The following PCDHGA5 variants were observed in gnomAD, a reference collection of about 807,000 sequenced individuals.
PCDHGA5 encodes protocadherin gamma subfamily A, 5.
Under a neutral mutation model 56.7 loss-of-function variants are expected in PCDHGA5, and 36 were observed. The ratio of observed to expected loss-of-function variants is 0.64; its 90% CI spans 0.49 to 0.84. The LOEUF is 0.84. Among genes scored for constraint, PCDHGA5 ranks in the 40% least tolerant of loss-of-function variants. PCDHGA5 has a pLI of 0.00. For synonymous variants in PCDHGA5, 563 were observed against 520.2 expected, an observed-to-expected ratio of 1.08 and a Z score of -1.12; for missense variants, 1,305 against 1,201.5, an observed-to-expected ratio of 1.09 and a Z score of -1.27.
intron 1 of PCDHGA5, chr5:141,371,387 T>A: frequency 6.2e-7 from 1 of 1,613,964 alleles, no homozygotes; most frequent in Non-Finnish European, 8.5e-7. Flanking sequence ...CTGCATATTG[T>A]AAAGTACAGA....
intron 1 of PCDHGA5, among the ~76,000 whole-genome samples, chr5:141,446,777 C>CTT (rs1480571336): frequency 1.3e-5 from 2 of 152,072 alleles, no homozygotes; most frequent in Non-Finnish European, 2.9e-5. Flanking sequence ...GGTTACCATT[C>CTT]TTTTACTCTG....
chr5:141,420,330 C>G lies in PCDHGA5; in HGVS notation c.2421+53579C>G, dbSNP rs765696240. 711 of 1,399,258 alleles carry G rather than the reference C, an allele frequency of 5.1e-4. 1 individual carries two copies. The highest frequency in any genetic ancestry group is 6.5e-4 in the Non-Finnish European group (676 of 1,043,138). 86.7% of individuals were successfully genotyped at this position (1,399,258 alleles called of 1,614,324 possible). A position where few individuals can be genotyped will look rare whatever the true frequency, so the allele number is the denominator to read the frequency against. On this transcript the variant is annotated intron_variant, in intron 1 of 3. Coordinates refer to ENST00000518069, the MANE Select transcript of PCDHGA5 (RefSeq NM_018918.3). Reference sequence around the variant, plus strand: ...TTATATTACAATATGCCAATATATTCCAATATAGTGGTATTATTTTAAGAT... The same window carrying G: ...TTATATTACAATATGCCAATATATTGCAATATAGTGGTATTATTTTAAGAT...
intron 1 of PCDHGA5, chr5:141,423,607 A>T (rs777606404): frequency 6.2e-7 from 1 of 1,612,176 alleles, no homozygotes; most frequent in Admixed American, 1.7e-5. Flanking sequence ...GCCACTCTTG[A>T]TAGCTGAAGA....
At chr5:141,467,768 C>T (rs2099151160) in intron 1 of PCDHGA5, among the ~76,000 whole-genome samples, 2 of 151,794 alleles carry the variant, frequency 1.3e-5, no homozygotes, top group African/African-American at 2.4e-5. Flanking sequence ...CTCAAGTGCC[C>T]GCACCTCAGC....
chr5:141,428,459 A>G (rs1322945046), intron 1 of PCDHGA5: 2 of 350,154 alleles, frequency 5.7e-6, no homozygotes, highest in Non-Finnish European at 1.1e-5. Flanking sequence ...CCCAACTACA[A>G]TGAGGGAACT....
At position 141,431,363 on chromosome 5, in the gene PCDHGA5, C is replaced by T. The variant is rs765751691; in HGVS notation, c.2422-63444C>T. On this transcript the variant is annotated intron_variant, in intron 1 of 3. Transcript: ENST00000518069. The surrounding 1 kb of genome is among the most constrained non-coding windows in gnomAD (Gnocchi z 4.8). The stretch of plus-strand genomic sequence containing the variant: ...ATTGGTGCTGAAACGCGCCCTGGAC[C>T]GCGAAGAAAAGGCTGCTCACCACCT... 1 of 1,614,024 alleles carries T rather than the reference C, an allele frequency of 6.2e-7. No homozygotes were observed. The highest frequency in any genetic ancestry group is 2.2e-5 in the East Asian group (1 of 44,882).
In PCDHGA5 at chr5:141,476,628, C is replaced by T. The variant is rs899753438; in HGVS notation, c.2422-18179C>T. 6.2e-6 allele frequency: 10 copies of T among 1,614,160 alleles called. No individual in the cohort carries two copies. The highest frequency in any genetic ancestry group is 7.6e-6 in the Non-Finnish European group (9 of 1,180,068). On this transcript the variant is annotated intron_variant, in intron 1 of 3. Coordinates refer to ENST00000518069, the MANE Select transcript of PCDHGA5 (RefSeq NM_018918.3). The surrounding 1 kb of genome is among the most constrained non-coding windows in gnomAD (Gnocchi z 7.6). ...GATGTGGGAAGCAACTCTTTACAAACCTATGAGCTGAGCCGAAATGAATAC... is the reference window on the plus strand; with the variant it reads ...GATGTGGGAAGCAACTCTTTACAAATCTATGAGCTGAGCCGAAATGAATAC...
chr5:141,502,098 G>T (rs1341016516), intron 2 of PCDHGA5, among the ~76,000 whole-genome samples: 2 of 152,108 alleles, frequency 1.3e-5, no homozygotes, highest in Non-Finnish European at 2.9e-5. Flanking sequence ...ACCTGGCCTT[G>T]ACCCTGCACC....
At chr5:141,393,754 T>G in intron 1 of PCDHGA5, 1 of 1,613,892 alleles carries the variant, frequency 6.2e-7, no homozygotes, top group Non-Finnish European at 8.5e-7. Flanking sequence ...GAATGTTCAT[T>G]TTATGAAATG....
At chr5:141,479,535 G>A (rs539785154) in intron 1 of PCDHGA5, 2 of 152,378 alleles carry the variant, frequency 1.3e-5, no homozygotes, top group Non-Finnish European at 2.9e-5. Context: ...AAGTGGAGAA[G>A]GTCAAAACTG....
chr5:141,473,879 C>G (rs937312573), intron 1 of PCDHGA5, among the ~76,000 whole-genome samples: 2 of 152,120 alleles, frequency 1.3e-5, no homozygotes, highest in Admixed American at 1.3e-4. Context: ...AATGCATACA[C>G]AAGGGTTCTG....
chr5:141,386,951 G>C (rs1313182720), intron 1 of PCDHGA5, among the ~76,000 whole-genome samples: 4 of 152,342 alleles, frequency 2.6e-5, no homozygotes, highest in Non-Finnish European at 4.4e-5. Flanking sequence ...CAGTGCTTCA[G>C]TGCAGCAGAT....
At chr5:141,420,551 ATTTTTACGGCATGGT>A (rs2096505176) in intron 1 of PCDHGA5, 3 of 266,550 alleles carry the variant, frequency 1.1e-5, no homozygotes, top group Admixed American at 5.1e-5. Context: ...ATACAGGTAT[ATTTTTACGGCATGGT>A]ATTTTAATTG....
chr5:141,485,070 G>T lies in PCDHGA5; in HGVS notation c.2422-9737G>T. ...CGCCGGCCGAACCGCGCCAGAGCTG[G>T]CGCGGGGAAAGGGAGATAGGTGTCT... On this transcript the variant is annotated intron_variant, in intron 1 of 3. Coordinates refer to ENST00000518069, the MANE Select transcript of PCDHGA5 (RefSeq NM_018918.3). This position sits in a 1 kb window ranked among gnomAD's most constrained non-coding sequence, Gnocchi z 5.7. 1.1e-6 allele frequency: 1 copy of T among 908,406 alleles called. No individual in the cohort carries two copies. Among genetic ancestry groups the T allele is most frequent in the East Asian group, 2.4e-5 (1 of 41,326 alleles). 56.3% of individuals were successfully genotyped at this position (908,406 alleles called of 1,614,324 possible).
rs2154594676 is a variant in PCDHGA5, at chr5:141,511,333, G to A, written c.*160G>A. 6.9e-7 allele frequency: 1 copy of A among 1,441,948 alleles called. No homozygotes were observed. Among genetic ancestry groups the A allele is most frequent in the Non-Finnish European group, 9.2e-7 (1 of 1,085,894 alleles). The allele number at this position is 1,441,948 out of a possible 1,614,324, so 89.3% of individuals were successfully genotyped here. On this transcript the variant is annotated 3_prime_UTR_variant, in exon 4 of 4. Transcript: ENST00000518069. Reference sequence around the variant, plus strand: ...GGAAACAGAAACAAGTGCCCAGTCAGCACCTACCCCTTCCCCCCCAGGGGG... The same window carrying A: ...GGAAACAGAAACAAGTGCCCAGTCAACACCTACCCCTTCCCCCCCAGGGGG...
chr5:141,441,672 GCCTTCGA>G (rs1327551430), intron 1 of PCDHGA5: 1 of 290,468 alleles, frequency 3.4e-6, no homozygotes, highest in Non-Finnish European at 6.8e-6. Flanking sequence ...CGCACAGTGC[GCCTTCGA>G]CCAAGAGCAG....
At position 141,364,870 on chromosome 5, in the gene PCDHGA5, G is replaced by A. The variant is rs767440295; in HGVS notation, c.540G>A (p.Leu180=). Residue 180 remains leucine (L), a synonymous_variant, in exon 1 of 4, where the codon CTG becomes CTA. Coordinates refer to ENST00000518069, the MANE Select transcript of PCDHGA5 (RefSeq NM_018918.3). Reference sequence around the variant, plus strand: ...TCAGCTCCAATCTGCACTTCTCTCTGGATGTGGTAAGCGGAACTGATGGAC... The same window carrying A: ...TCAGCTCCAATCTGCACTTCTCTCTAGATGTGGTAAGCGGAACTGATGGAC... ...YQLSSNLHFS[L]DVVSGTDGQK... The A allele has an allele frequency of 1.1e-5, 17 of 1,613,978 alleles. No individual in the cohort carries two copies. In the Admixed American group the frequency reaches 1.8e-4, roughly 17 times the overall value.
chr5:141,448,122 C>A (rs1315243727), intron 1 of PCDHGA5, among the ~76,000 whole-genome samples: 1 of 151,820 alleles, frequency 6.6e-6, no homozygotes, highest in Non-Finnish European at 1.5e-5. Context: ...AAATTAGCCT[C>A]CCCCACCCTC....
intron 2 of PCDHGA5, among the ~76,000 whole-genome samples, chr5:141,498,710 T>C (rs2099785302): frequency 1.3e-5 from 2 of 152,108 alleles, no homozygotes. Flanking sequence ...GGTGGGTGGA[T>C]CACCTGAGGT....
Sources: allele counts gnomAD v4.1 joint callset (sites outside exome capture counted in the v4.1 genomes callset), GRCh38; gene constraint gnomAD v4.1.1; non-coding constraint Gnocchi (gnomAD v3.1); transcripts MANE v1.5; gene names NCBI Gene and HGNC (gene_info 2026-07-23, HGNC 2026-07-21).